The following GRID2 variants were observed in gnomAD, a reference collection of about 807,000 sequenced individuals.
GRID2 encodes the protein glutamate receptor ionotropic, delta-2.
GRID2 carries 33 observed loss-of-function variants against 114.8 expected under a neutral mutation model. The ratio of observed to expected loss-of-function variants is 0.29; its 90% confidence interval spans 0.22 to 0.38. The LOEUF (loss-of-function observed/expected upper bound fraction) is 0.38. Among genes scored for constraint, GRID2 ranks in the 10% least tolerant of loss-of-function variants. The pLI, the probability that GRID2 is intolerant of heterozygous loss-of-function variation, is 1.00. For synonymous variants in GRID2, 505 were observed against 449.9 expected, an observed-to-expected ratio of 1.12 and a Z score of -1.55; for missense variants, 1,184 against 1,257.7, an observed-to-expected ratio of 0.94 and a Z score of 0.89.
At chr4:93,554,172 A>T (rs1413648881) in intron 13 of GRID2, among the ~76,000 whole-genome samples, 2 of 152,188 alleles carry the variant, frequency 1.3e-5, no homozygotes, top group Non-Finnish European at 2.9e-5. Context: ...TAATATATAC[A>T]AAAAATAAAA....
chr4:92,657,934 C>T (rs1043146895), intron 2 of GRID2, among the ~76,000 whole-genome samples: 17 of 133,002 alleles, frequency 1.3e-4, no homozygotes, highest in Admixed American at 3.9e-4. Flanking sequence ...ATGTGAAATA[C>T]AGTGGTAGGA....
intron 1 of GRID2, among the ~76,000 whole-genome samples, chr4:92,418,967 C>T (rs929054677): frequency 6.6e-6 from 1 of 152,068 alleles, no homozygotes; most frequent in Non-Finnish European, 1.5e-5. Flanking sequence ...GTACTCATAT[C>T]TCTCTCCCTC....
At chr4:93,151,677 C>G (rs1270635739) in intron 4 of GRID2, among the ~76,000 whole-genome samples, 1 of 152,034 alleles carries the variant, frequency 6.6e-6, no homozygotes. Context: ...AAATATACCA[C>G]TGTTAAAAAT....
intron 1 of GRID2, among the ~76,000 whole-genome samples, chr4:92,443,008 G>T (rs1264686430): frequency 1.3e-3 from 201 of 149,850 alleles, no homozygotes; most frequent in Admixed American, 4.2e-3. Context: ...TCGGCCTGGC[G>T]AGGAGCAGCC....
chr4:92,709,307 TTTG>T (rs1735104296), intron 2 of GRID2, among the ~76,000 whole-genome samples: 1 of 152,112 alleles, frequency 6.6e-6, no homozygotes, highest in Non-Finnish European at 1.5e-5. Context: ...AAGTCATCTA[TTTG>T]TTAAGTAAAT....
At chr4:92,428,518 T>G (rs1732271556) in intron 1 of GRID2, among the ~76,000 whole-genome samples, 2 of 152,116 alleles carry the variant, frequency 1.3e-5, no homozygotes, top group African/African-American at 4.8e-5. Context: ...ATTGGTATAT[T>G]CCCGTATATT....
At chr4:93,550,971 C>G (rs1733698730) in intron 13 of GRID2, among the ~76,000 whole-genome samples, 2 of 152,142 alleles carry the variant, frequency 1.3e-5, no homozygotes, top group African/African-American at 4.8e-5. Context: ...GCCACACTTA[C>G]TGGATTTGAA....
chr4:93,716,583 G>A (rs1728921317), intron 14 of GRID2, among the ~76,000 whole-genome samples: 1 of 151,606 alleles, frequency 6.6e-6, no homozygotes, highest in Admixed American at 6.6e-5. Flanking sequence ...ATTTAAAATG[G>A]ACAGTTATTA....
At chr4:93,240,454 G>A (rs1250696230) in intron 8 of GRID2, among the ~76,000 whole-genome samples, 2 of 150,422 alleles carry the variant, frequency 1.3e-5, no homozygotes, top group African/African-American at 4.9e-5. Flanking sequence ...TTTTTTTTTG[G>A]AGAAGGGTGT....
intron 1 of GRID2, among the ~76,000 whole-genome samples, chr4:92,341,208 G>T (rs1727471476): frequency 6.6e-6 from 1 of 151,972 alleles, no homozygotes; most frequent in South Asian, 2.1e-4. Flanking sequence ...TTCAAATCAG[G>T]TTAGAAAATC....
intron 4 of GRID2, among the ~76,000 whole-genome samples, chr4:93,198,018 G>A (rs781722304): frequency 1.3e-5 from 2 of 151,822 alleles, no homozygotes; most frequent in Non-Finnish European, 1.5e-5. Flanking sequence ...TTATCAAATA[G>A]TTTAGTCCTA....
At chr4:93,075,552 C>A (rs1729188830) in intron 2 of GRID2, among the ~76,000 whole-genome samples, 1 of 152,044 alleles carries the variant, frequency 6.6e-6, no homozygotes, top group South Asian at 2.1e-4. Context: ...TTGCAGATGA[C>A]ATGATTCTCT....
chr4:93,213,923 C>G (rs1400137079), intron 5 of GRID2, among the ~76,000 whole-genome samples: 1 of 151,870 alleles, frequency 6.6e-6, no homozygotes, highest in African/African-American at 2.4e-5. Flanking sequence ...TTTCAAGTAT[C>G]TAGGTAAATT....
chr4:93,786,273 C>T (rs1461619000), intron 1 of GRID2, among the ~76,000 whole-genome samples: 2 of 152,146 alleles, frequency 1.3e-5, no homozygotes, highest in South Asian at 4.1e-4. Flanking sequence ...AGTGGAAGGA[C>T]ACATACACTG....
At chr4:92,308,294 T>C (rs1725517587) in intron 1 of GRID2, among the ~76,000 whole-genome samples, 1 of 152,224 alleles carries the variant, frequency 6.6e-6, no homozygotes, top group African/African-American at 2.4e-5. Context: ...CTGGTTCCTG[T>C]GCTCACAGAA....
At chr4:92,630,915 A>C (rs1015458855) in intron 2 of GRID2, among the ~76,000 whole-genome samples, 1 of 152,084 alleles carries the variant, frequency 6.6e-6, no homozygotes, top group Non-Finnish European at 1.5e-5. Flanking sequence ...GAAATTGTGA[A>C]CTAAAATAAA....
chr4:92,580,912 A>T (rs12498952), intron 1 of GRID2, among the ~76,000 whole-genome samples: 62 of 148,624 alleles, frequency 4.2e-4, no homozygotes, highest in Non-Finnish European at 8.6e-4. Context: ...TTTTAAATGC[A>T]TCAGGTCAGT....
At chr4:92,966,169 G>A (rs529576281) in intron 2 of GRID2, among the ~76,000 whole-genome samples, 1 of 151,862 alleles carries the variant, frequency 6.6e-6, no homozygotes, top group Non-Finnish European at 1.5e-5. Flanking sequence ...AAAGGGCAAG[G>A]CCTCTGCCCT....
chr4:93,795,637 T>C (rs1482489490), intron 1 of GRID2, among the ~76,000 whole-genome samples: 1 of 152,234 alleles, frequency 6.6e-6, no homozygotes, highest in Non-Finnish European at 1.5e-5. Context: ...GATTATTTTA[T>C]TACCACTCTT....
Sources: allele counts gnomAD v4.1 joint callset (sites outside exome capture counted in the v4.1 genomes callset), GRCh38; gene constraint gnomAD v4.1.1; transcripts MANE v1.5; gene names NCBI Gene and HGNC (gene_info 2026-07-23, HGNC 2026-07-21).